GIMAP6: variants seen among roughly 807,000 people sequenced by gnomAD.
GIMAP6 encodes GTPase, IMAP family member 6, also known as GTPase IMAP family member 6.
Under a neutral mutation model 9.3 loss-of-function variants are expected in GIMAP6, and 6 were observed. The observed-to-expected ratio is 0.65, with a 90% CI of 0.35 to 1.27. GIMAP6 has a LOEUF of 1.27. GIMAP6 is among the 50% of genes most tolerant of loss of function. The pLI, the probability that GIMAP6 is intolerant of heterozygous loss-of-function variation, is 0.03. For synonymous variants in GIMAP6, 156 were observed against 151.1 expected (o/e 1.03, Z -0.24); for missense variants, 333 against 359.5 (o/e 0.93, Z 0.60).
chr7:150,628,700 C>A (rs2116782787), intron 2 of GIMAP6, 188 bp from the exon 3 acceptor site: 1 of 1,528,648 alleles, frequency 6.5e-7, no homozygotes. Context: ...GCTGAACGTT[C>A]TCTCCCAGTG....
chr7:150,626,364 TTTCCCCAATGCCTCCTATTATC>T lies in GIMAP6; in HGVS notation c.*1333_*1354del, dbSNP rs1378067416. On this transcript the variant is annotated 3_prime_UTR_variant, in exon 3 of 3. Coordinates refer to ENST00000328902, the MANE Select transcript of GIMAP6 (RefSeq NM_024711.6). The stretch of plus-strand genomic sequence containing the variant: ...AAAAGAGGAATATATTGGGGAGCAG[TTTCCCCAATGCCTCCTATTATC>T]TTCCCAAATGTCGGTCAACTCCCCA... 6.6e-6 allele frequency: 1 copy of T among 152,188 alleles called. No homozygotes were observed. The highest frequency in any genetic ancestry group is 1.5e-5 in the Non-Finnish European group (1 of 68,032). The allele number at this position is 152,188 out of a possible 1,614,324, so 9.4% of individuals were successfully genotyped here. A position where few individuals can be genotyped will look rare whatever the true frequency, so the allele number is the denominator to read the frequency against.
rs780307402 is a variant in GIMAP6, at chr7:150,628,714, G to A, written c.86-202C>T. On this transcript the variant is annotated intron_variant, in intron 2 of 2. Transcript: ENST00000328902. ...GGCTGAACGTTCTCTCCCAGTGCAA[G>A]AGCAGAGCCTAGAAAGAAGAGCGAG... 2.3e-5 allele frequency: 35 copies of A among 1,499,090 alleles called. No homozygotes were observed. The African/African-American group carries it at 4.7e-4, about 20-fold the overall frequency. The allele number at this position is 1,499,090 out of a possible 1,614,324, so 92.9% of individuals were successfully genotyped here.
chr7:150,629,649 G>A (rs1796358582), intron 2 of GIMAP6, among the ~76,000 whole-genome samples: 1 of 152,110 alleles, frequency 6.6e-6, no homozygotes, highest in Admixed American at 6.5e-5. Flanking sequence ...ACTTACAACT[G>A]TGACAGCTCC....
chr7:150,628,656 G>A (rs1796343008), intron 2 of GIMAP6, 144 bp from the exon 3 acceptor site: 2 of 1,582,822 alleles, frequency 1.3e-6, no homozygotes, highest in Non-Finnish European at 1.7e-6. Flanking sequence ...CCAGCGCTGG[G>A]CCACCATTCT....
chr7:150,631,244 A>C (rs1169596259), intron 1 of GIMAP6, among the ~76,000 whole-genome samples: 1 of 152,190 alleles, frequency 6.6e-6, no homozygotes, highest in African/African-American at 2.4e-5. Flanking sequence ...CCAGAAGTAT[A>C]TATGCGGATA....
In GIMAP6 at chr7:150,625,488, C is replaced by T. The variant is rs534699995; in HGVS notation, c.*2231G>A. 5.9e-5 allele frequency: 9 copies of T among 152,286 alleles called. 2 individuals carry two copies. The South Asian group carries it at 1.9e-3, about 32-fold the overall frequency. The allele number at this position is 152,286 out of a possible 1,614,324, so 9.4% of individuals were successfully genotyped here. On this transcript the variant is annotated 3_prime_UTR_variant, in exon 3 of 3. Transcript: ENST00000328902. ...GCTTGTGTTTTCTATTATGACATTA[C>T]TTAAGCTAATAGAGTTAAAATAATA...
intron 1 of GIMAP6, among the ~76,000 whole-genome samples, chr7:150,631,357 A>G (rs1180889996): frequency 1.3e-5 from 2 of 152,228 alleles, no homozygotes; most frequent in East Asian, 3.9e-4. Flanking sequence ...GAAGCAGGCC[A>G]GGCGGACAGC....
At position 150,630,051 on chromosome 7, in the gene GIMAP6, AT is replaced by A; in HGVS notation, c.85+6del. 1 of 1,574,206 alleles carries A rather than the reference AT, an allele frequency of 6.4e-7. No homozygotes were observed. The highest frequency in any genetic ancestry group is 1.8e-5 in the Admixed American group (1 of 54,410). ...CCCACTTGCTCCCCTCTCCTCATTC[AT>A]TTTACCTCCTGACAGCTCCAGCACA... On this transcript the variant is annotated splice_donor_region_variant and intron_variant, in intron 2 of 2. Coordinates refer to ENST00000328902, the MANE Select transcript of GIMAP6 (RefSeq NM_024711.6).
chr7:150,632,112 A>C (rs531081595), intron 1 of GIMAP6, 57 bp downstream of exon 1: 1 of 152,364 alleles, frequency 6.6e-6, no homozygotes, highest in South Asian at 2.1e-4. Flanking sequence ...CACATGTACA[A>C]CACAAACACC....
rs1796292257 is a variant in GIMAP6 at position 150,626,370 on chromosome 7, C to T, written c.*1349G>A. On this transcript the variant is annotated 3_prime_UTR_variant, in exon 3 of 3. Coordinates refer to ENST00000328902, the MANE Select transcript of GIMAP6 (RefSeq NM_024711.6). ...GGAATATATTGGGGAGCAGTTTCCC[C>T]AATGCCTCCTATTATCTTCCCAAAT... The T allele has an allele frequency of 6.6e-6, 1 of 152,222 alleles. No individual in the cohort carries two copies. The highest frequency in any genetic ancestry group is 6.5e-5 in the Admixed American group (1 of 15,284). 9.4% of individuals were successfully genotyped at this position (152,222 alleles called of 1,614,324 possible). A position where few individuals can be genotyped will look rare whatever the true frequency, so the allele number is the denominator to read the frequency against.
rs775620356 is a variant in GIMAP6, at chr7:150,628,382, G to A, written c.216C>T (p.Thr72=). ...TCTGGGAGGTCTTGGTCACGGGTCT[G>A]GTGCTGAGTTTAGACTCGAAGACGT... The part of the protein sequence containing the change: ...GRDVFESKLS[T]RPVTKTSQRR... The change falls in exon 3 of 3, where the codon ACC becomes ACT. Residue 72 remains threonine (T), a synonymous_variant. Coordinates refer to ENST00000328902, the MANE Select transcript of GIMAP6 (RefSeq NM_024711.6). The A allele has an allele frequency of 5.0e-6, 8 of 1,614,146 alleles. No homozygotes were observed. The highest frequency in any genetic ancestry group is 1.3e-5 in the African/African-American group (1 of 75,044).
chr7:150,628,818 C>T, intron 2 of GIMAP6: 1 of 1,265,248 alleles, frequency 7.9e-7, no homozygotes, highest in East Asian at 2.6e-5. Context: ...AAGGGAATTC[C>T]CTTCTCCTGG....
chr7:150,630,056 A>G lies in GIMAP6; in HGVS notation c.85+2T>C, dbSNP rs1418360464. 2 of 1,571,898 alleles carry G rather than the reference A, an allele frequency of 1.3e-6. No homozygotes were observed. The highest frequency in any genetic ancestry group is 8.6e-7 in the Non-Finnish European group (1 of 1,161,758). ...TTGCTCCCCTCTCCTCATTCATTTT[A>G]CCTCCTGACAGCTCCAGCACAGGAT... is the stretch of plus-strand genomic sequence containing the variant. On this transcript the variant is annotated splice_donor_variant, in intron 2 of 2. Transcript: ENST00000328902. LOFTEE classifies it high-confidence loss of function.
chr7:150,627,625 G>A lies in GIMAP6; in HGVS notation c.*94C>T. The stretch of plus-strand genomic sequence containing the variant: ...CACCAGACGTCATGACCTGGAGACT[G>A]GGAAGCACTCCATGGGATGGAAAGA... On this transcript the variant is annotated 3_prime_UTR_variant, in exon 3 of 3. Coordinates refer to ENST00000328902, the MANE Select transcript of GIMAP6 (RefSeq NM_024711.6). The A allele has an allele frequency of 1.3e-6, 2 of 1,500,232 alleles. No individual in the cohort carries two copies. The highest frequency in any genetic ancestry group is 1.4e-5 in the African/African-American group (1 of 72,968). The allele number at this position is 1,500,232 out of a possible 1,614,324, so 92.9% of individuals were successfully genotyped here. A position where few individuals can be genotyped will look rare whatever the true frequency, so the allele number is the denominator to read the frequency against.
chr7:150,627,894 G>A lies in GIMAP6; in HGVS notation c.704C>T (p.Ala235Val). 2 of 1,614,246 alleles carry A rather than the reference G, an allele frequency of 1.2e-6. No homozygotes were observed. Among genetic ancestry groups the A allele is most frequent in the South Asian group, 1.1e-5 (1 of 91,084 alleles). ...ENEGDYYSNK[A>V]YQYTQQNFRL... ...AAAGTTTTGCTGGGTATATTGGTAA[G>A]CCTTGTTGCTGTAATAATCTCCTTC... The change falls in exon 3 of 3, where the codon GCT (alanine) becomes GTT (valine). Residue 235 changes from alanine to valine, a missense_variant. Transcript: ENST00000328902.
Position 150,627,739 on chromosome 7 carries a change from G to T in GIMAP6, c.859C>A (p.Leu287Met). 1 of 1,613,766 alleles carries T rather than the reference G, an allele frequency of 6.2e-7. No individual in the cohort carries two copies. The highest frequency in any genetic ancestry group is 8.5e-7 in the Non-Finnish European group (1 of 1,179,790). The change falls in exon 3 of 3, where the codon CTG becomes ATG. Residue 287 changes from leucine to methionine, a missense_variant. Coordinates refer to ENST00000328902, the MANE Select transcript of GIMAP6 (RefSeq NM_024711.6). Reference protein sequence around the residue: ...KESEEAHRCLLGKADL With the variant: ...KESEEAHRCLMGKADL Reference sequence around the variant, plus strand: ...CAGGCTCAAAGGTCAGCCTTCCCCAGCAGGCATCTGTGGGCTTCCTCAGAT... The same window carrying T: ...CAGGCTCAAAGGTCAGCCTTCCCCATCAGGCATCTGTGGGCTTCCTCAGAT...
chr7:150,628,804 C>T, intron 2 of GIMAP6: 2 of 1,347,910 alleles, frequency 1.5e-6, no homozygotes, highest in Non-Finnish European at 1.9e-6. Flanking sequence ...GGGAAGAAGG[C>T]AGGAAGGGAA....
At chr7:150,629,783 A>G (rs1431261885) in intron 2 of GIMAP6, among the ~76,000 whole-genome samples, 1 of 152,168 alleles carries the variant, frequency 6.6e-6, no homozygotes, top group East Asian at 1.9e-4. Flanking sequence ...CTACCATGTG[A>G]AAGCATTTCC....
At chr7:150,628,911 T>C (rs1796347826) in intron 2 of GIMAP6, 1 of 508,338 alleles carries the variant, frequency 2.0e-6, no homozygotes. Flanking sequence ...CTGAAGACAT[T>C]GATGTATCTC....
Sources: gnomAD v4.1 joint callset for allele counts (sites outside exome capture counted in the v4.1 genomes callset) on GRCh38, gnomAD v4.1.1 for gene constraint, MANE v1.5 for transcripts, NCBI Gene and HGNC (gene_info 2026-07-23, HGNC 2026-07-21) for gene names.